ANXA10: variants seen among roughly 807,000 people sequenced by gnomAD.
The protein encoded by ANXA10 is annexin A10, also known as annexin 14.
Under a neutral mutation model 53.5 loss-of-function variants are expected in ANXA10, and 49 were observed. The ratio of observed to expected loss-of-function variants is 0.92; its 90% confidence interval spans 0.73 to 1.16. The LOEUF (loss-of-function observed/expected upper bound fraction) is 1.16. Ranked by LOEUF, ANXA10 falls within the 50% of genes most tolerant of loss-of-function variation. ANXA10 has a pLI of 0.00. For synonymous variants in ANXA10, 131 were observed against 128.9 expected, an observed-to-expected ratio of 1.02 and a Z score of -0.11; for missense variants, 393 against 394.4, an observed-to-expected ratio of 1.00 and a Z score of 0.03.
intron 10 of ANXA10, among the ~76,000 whole-genome samples, chr4:168,183,131 A>G (rs1732293558): frequency 6.6e-6 from 1 of 152,208 alleles, no homozygotes. Context: ...ATAATACAGT[A>G]ATTTTAATCA....
chr4:168,137,148 A>C (rs1017444092), intron 2 of ANXA10, among the ~76,000 whole-genome samples: 2 of 152,150 alleles, frequency 1.3e-5, no homozygotes, highest in Non-Finnish European at 2.9e-5. Flanking sequence ...CAAATATCAG[A>C]TGTTGCTCCC....
intron 10 of ANXA10, 46 bp downstream of exon 10, chr4:168,181,787 G>A: frequency 1.5e-6 from 2 of 1,327,594 alleles, no homozygotes; most frequent in Middle Eastern, 1.9e-4. Flanking sequence ...AATTGTGTCT[G>A]TTTTCTCAAA....
chr4:168,092,644 C>A lies in ANXA10; in HGVS notation c.-57C>A, dbSNP rs2149462379. ...AATTCTTTCTGGCTTCACAGTGAAA[C>A]AAGTTTATGCAATCGATCAAATATT... On this transcript the variant is annotated 5_prime_UTR_variant, in exon 1 of 12. Transcript: ENST00000359299. 2 of 1,524,792 alleles carry A rather than the reference C, an allele frequency of 1.3e-6. No homozygotes were observed. The highest frequency in any genetic ancestry group is 1.8e-6 in the Non-Finnish European group (2 of 1,115,080). The allele number at this position is 1,524,792 out of a possible 1,614,324, so 94.5% of individuals were successfully genotyped here. A position where few individuals can be genotyped will look rare whatever the true frequency, so the allele number is the denominator to read the frequency against.
chr4:168,135,730 C>G (rs1041960732), intron 2 of ANXA10, among the ~76,000 whole-genome samples: 2 of 152,126 alleles, frequency 1.3e-5, no homozygotes, highest in Non-Finnish European at 2.9e-5. Flanking sequence ...TTCACTCTAT[C>G]CCTCAGAAGC....
At chr4:168,116,227 C>T (rs1011193609) in intron 1 of ANXA10, among the ~76,000 whole-genome samples, 3 of 151,742 alleles carry the variant, frequency 2.0e-5, no homozygotes, top group Non-Finnish European at 2.9e-5. Flanking sequence ...TCCATATAGA[C>T]AAAACACGTG....
chr4:168,104,340 T>C (rs1159689783), intron 1 of ANXA10, among the ~76,000 whole-genome samples: 20 of 151,886 alleles, frequency 1.3e-4, no homozygotes, highest in Admixed American at 1.3e-3. Context: ...TTCATAAGGG[T>C]TACTATCCTA....
At chr4:168,163,753 A>G (rs1731824615) in intron 4 of ANXA10, among the ~76,000 whole-genome samples, 1 of 152,176 alleles carries the variant, frequency 6.6e-6, no homozygotes, top group Non-Finnish European at 1.5e-5. Context: ...CAAATTGTAC[A>G]AAATTCCACA....
At chr4:168,151,518 G>C (rs892073742) in intron 3 of ANXA10, among the ~76,000 whole-genome samples, 1 of 152,176 alleles carries the variant, frequency 6.6e-6, no homozygotes, top group Non-Finnish European at 1.5e-5. Flanking sequence ...TTAATGTAAG[G>C]CCAAGCTGTG....
At chr4:168,106,352 A>C (rs1579201549) in intron 1 of ANXA10, among the ~76,000 whole-genome samples, 1 of 152,218 alleles carries the variant, frequency 6.6e-6, no homozygotes, top group East Asian at 1.9e-4. Flanking sequence ...ACCTGTAAAA[A>C]TCTTAAAGTT....
chr4:168,167,725 T>C (rs1731905810), intron 6 of ANXA10, among the ~76,000 whole-genome samples: 1 of 152,236 alleles, frequency 6.6e-6, no homozygotes, highest in South Asian at 2.1e-4. Context: ...CTTAACCGCA[T>C]GCAAAGTTCT....
At chr4:168,128,821 T>C (rs1006532739) in intron 2 of ANXA10, among the ~76,000 whole-genome samples, 1 of 152,010 alleles carries the variant, frequency 6.6e-6, no homozygotes, top group African/African-American at 2.4e-5. Context: ...ACCTGCTGAC[T>C]GGACTGTGAA....
At chr4:168,163,349 A>G (rs1033785265) in intron 4 of ANXA10, among the ~76,000 whole-genome samples, 14 of 152,190 alleles carry the variant, frequency 9.2e-5, no homozygotes, top group African/African-American at 3.1e-4. Flanking sequence ...ATGCTTGCCA[A>G]TGACCAGATT....
At chr4:168,153,886 G>A (rs1309867895) in intron 3 of ANXA10, among the ~76,000 whole-genome samples, 2 of 151,830 alleles carry the variant, frequency 1.3e-5, no homozygotes, top group East Asian at 1.9e-4. Flanking sequence ...CTGTACATTC[G>A]AACATTAGAT....
chr4:168,107,550 A>G (rs1730737850), intron 1 of ANXA10, among the ~76,000 whole-genome samples: 1 of 152,204 alleles, frequency 6.6e-6, no homozygotes, highest in East Asian at 1.9e-4. Flanking sequence ...CTAGTTTTCC[A>G]TAGGTCCTAT....
At chr4:168,118,355 G>C (rs561811604) in intron 1 of ANXA10, among the ~76,000 whole-genome samples, 25 of 152,290 alleles carry the variant, frequency 1.6e-4, no homozygotes, top group Non-Finnish European at 3.1e-4. Flanking sequence ...AGCAGTCCCA[G>C]CCATGTCCCA....
At chr4:168,177,082 C>T (rs1211295196) in intron 6 of ANXA10, among the ~76,000 whole-genome samples, 1 of 152,126 alleles carries the variant, frequency 6.6e-6, no homozygotes, top group East Asian at 1.9e-4. Context: ...AAAGCCTCCC[C>T]TCCATATCTT....
At chr4:168,167,740 T>G (rs888765458) in intron 6 of ANXA10, among the ~76,000 whole-genome samples, 4 of 152,224 alleles carry the variant, frequency 2.6e-5, no homozygotes, top group African/African-American at 9.6e-5. Context: ...AGTTCTTTCC[T>G]AGATATATTT....
chr4:168,098,915 C>A (rs1283310296), intron 1 of ANXA10, among the ~76,000 whole-genome samples: 1 of 152,094 alleles, frequency 6.6e-6, no homozygotes, highest in African/African-American at 2.4e-5. Context: ...CTCACAGCAA[C>A]TTTGGATTGG....
chr4:168,174,585 G>A (rs1410785910), intron 6 of ANXA10, among the ~76,000 whole-genome samples: 3 of 152,340 alleles, frequency 2.0e-5, no homozygotes, highest in Non-Finnish European at 2.9e-5. Flanking sequence ...AGCCCAGGGC[G>A]AGCAAGGCCC....
Sources: gnomAD v4.1 joint callset for allele counts (sites outside exome capture counted in the v4.1 genomes callset) on GRCh38, gnomAD v4.1.1 for gene constraint, MANE v1.5 for transcripts, NCBI Gene and HGNC (gene_info 2026-07-23, HGNC 2026-07-21) for gene names.